Variants in NXPH1 observed in about 807,000 individuals in gnomAD.
NXPH1 encodes neurexophilin-1.
A neutral mutation model predicts 23.7 loss-of-function variants in NXPH1; 5 were observed. That is an observed-to-expected ratio of 0.21 (90% CI 0.11 to 0.44). The LOEUF is 0.44. NXPH1 is among the 20% of genes least tolerant of loss of function. The probability of loss-of-function intolerance (pLI) is 0.99; values close to 1 mark genes in which losing one functional copy is unlikely to be tolerated. For synonymous variants in NXPH1, 144 were observed against 122.2 expected (o/e 1.18, Z -1.18); for missense variants, 324 against 321.6 (o/e 1.01, Z -0.06).
intron 2 of NXPH1, among the ~76,000 whole-genome samples, chr7:8,706,372 A>G (rs2115192989): frequency 6.6e-6 from 1 of 152,332 alleles, no homozygotes; most frequent in Middle Eastern, 3.4e-3. Flanking sequence ...CTTTTACTAC[A>G]TATAATCCTT....
intron 2 of NXPH1, among the ~76,000 whole-genome samples, chr7:8,687,044 C>G (rs1412987092): frequency 6.6e-6 from 1 of 152,088 alleles, no homozygotes; most frequent in East Asian, 1.9e-4. Context: ...TTGGCAAGTG[C>G]TAAGTAAGGG....
intron 2 of NXPH1, among the ~76,000 whole-genome samples, chr7:8,458,195 G>A (rs768875073): frequency 1.3e-5 from 2 of 152,132 alleles, no homozygotes; most frequent in African/African-American, 2.4e-5. Context: ...GATGAACAAC[G>A]GTGTTGCAAA....
At chr7:8,739,781 A>G (rs939958224) in intron 2 of NXPH1, among the ~76,000 whole-genome samples, 2 of 152,144 alleles carry the variant, frequency 1.3e-5, no homozygotes, top group African/African-American at 2.4e-5. Flanking sequence ...TCCTTATTCT[A>G]TAAACTTTTT....
At chr7:8,446,526 G>A (rs1039123530) in intron 2 of NXPH1, among the ~76,000 whole-genome samples, 26 of 152,152 alleles carry the variant, frequency 1.7e-4, no homozygotes, top group Non-Finnish European at 3.5e-4. Context: ...TTTTGAATAA[G>A]TAAAGGAATA....
intron 2 of NXPH1, among the ~76,000 whole-genome samples, chr7:8,667,364 C>T (rs2115166808): frequency 1.0e-5 from 1 of 95,414 alleles, no homozygotes; most frequent in African/African-American, 3.0e-5. Context: ...TAATTAATTT[C>T]CCAAATATTT....
chr7:8,637,721 CACAAT>C (rs1377450871), intron 2 of NXPH1, among the ~76,000 whole-genome samples: 2 of 152,178 alleles, frequency 1.3e-5, no homozygotes, highest in African/African-American at 2.4e-5. Flanking sequence ...GCAATGAACT[CACAAT>C]ACAATACATG....
chr7:8,477,842 T>C (rs1190124268), intron 2 of NXPH1, among the ~76,000 whole-genome samples: 1 of 152,148 alleles, frequency 6.6e-6, no homozygotes, highest in Non-Finnish European at 1.5e-5. Context: ...AGAGAAAGAT[T>C]GAGAACCACG....
chr7:8,567,323 C>T (rs369209514), intron 2 of NXPH1, among the ~76,000 whole-genome samples: 19 of 151,998 alleles, frequency 1.3e-4, no homozygotes, highest in East Asian at 3.9e-4. Context: ...TTCATGTTTG[C>T]GCCTCTGGTC....
chr7:8,694,334 C>G (rs967240508), intron 2 of NXPH1, among the ~76,000 whole-genome samples: 1 of 152,176 alleles, frequency 6.6e-6, no homozygotes, highest in African/African-American at 2.4e-5. Context: ...GTAAAAGCAA[C>G]ATGACTGTCT....
intron 2 of NXPH1, among the ~76,000 whole-genome samples, chr7:8,639,842 C>G (rs946938727): frequency 1.3e-5 from 2 of 152,174 alleles, no homozygotes; most frequent in Non-Finnish European, 2.9e-5. Flanking sequence ...TAAGAAGTGC[C>G]TTTCGCCTTC....
At chr7:8,689,486 C>A (rs950016537) in intron 2 of NXPH1, among the ~76,000 whole-genome samples, 1 of 152,106 alleles carries the variant, frequency 6.6e-6, no homozygotes. Context: ...GGGGGATCCT[C>A]GCTATGCATA....
At chr7:8,450,544 A>T in intron 2 of NXPH1, among the ~76,000 whole-genome samples, 1 of 152,242 alleles carries the variant, frequency 6.6e-6, no homozygotes, top group East Asian at 1.9e-4. Context: ...TCTATTTCTG[A>T]AAAATAAAAG....
At chr7:8,590,659 T>C (rs1322503605) in intron 2 of NXPH1, among the ~76,000 whole-genome samples, 1 of 152,132 alleles carries the variant, frequency 6.6e-6, no homozygotes, top group Non-Finnish European at 1.5e-5. Context: ...ATTAATTCTT[T>C]GGCTTGGTGT....
chr7:8,530,411 G>C (rs10244960), intron 2 of NXPH1, among the ~76,000 whole-genome samples: 109,553 of 152,120 alleles, frequency 0.72, 39,473 homozygotes, highest in Non-Finnish European at 0.73. Context: ...TACATCCTTT[G>C]TGAGTCCCAT....
chr7:8,488,583 T>G (rs534560185), intron 2 of NXPH1, among the ~76,000 whole-genome samples: 1 of 152,252 alleles, frequency 6.6e-6, no homozygotes, highest in Admixed American at 6.5e-5. Flanking sequence ...GGAATTTTAT[T>G]TTGTGCCTTT....
intron 2 of NXPH1, among the ~76,000 whole-genome samples, chr7:8,489,011 C>A (rs188452793): frequency 6.6e-6 from 1 of 152,224 alleles, no homozygotes; most frequent in East Asian, 1.9e-4. Flanking sequence ...GGACTCAAAC[C>A]TTTCAGAGGC....
chr7:8,600,506 CTG>C (rs1372161604), intron 2 of NXPH1, among the ~76,000 whole-genome samples: 2 of 152,154 alleles, frequency 1.3e-5, no homozygotes, highest in African/African-American at 4.8e-5. Context: ...AGGCCTGTCA[CTG>C]TGGTCAGATC....
At chr7:8,499,916 A>T (rs1206061195) in intron 2 of NXPH1, among the ~76,000 whole-genome samples, 2 of 152,088 alleles carry the variant, frequency 1.3e-5, no homozygotes, top group African/African-American at 4.8e-5. Flanking sequence ...GGTGCTCACC[A>T]CTTCCCTCAT....
intron 2 of NXPH1, among the ~76,000 whole-genome samples, chr7:8,627,697 G>C (rs1006833313): frequency 7.2e-5 from 11 of 152,012 alleles, no homozygotes; most frequent in Admixed American, 2.0e-4. Flanking sequence ...TTTAAAAGGA[G>C]ATTTTAAAAA....
Sources: allele counts gnomAD v4.1 joint callset (sites outside exome capture counted in the v4.1 genomes callset), GRCh38; gene constraint gnomAD v4.1.1; transcripts MANE v1.5; gene names NCBI Gene and HGNC (gene_info 2026-07-23, HGNC 2026-07-21).